The following SLC4A10 variants were observed in gnomAD, a reference collection of about 807,000 sequenced individuals.
SLC4A10 encodes solute carrier family 4 member 10.
Under a neutral mutation model 137.7 loss-of-function variants are expected in SLC4A10, and 42 were observed. The ratio of observed to expected loss-of-function variants is 0.30; its 90% CI spans 0.24 to 0.39. The LOEUF is 0.39. SLC4A10 is among the 10% of genes least tolerant of loss of function. The probability of loss-of-function intolerance (pLI) is 1.00; values close to 1 mark genes in which losing one functional copy is unlikely to be tolerated. For synonymous variants in SLC4A10, 474 were observed against 464.1 expected, an observed-to-expected ratio of 1.02 and a Z score of -0.27; for missense variants, 925 against 1,355.0, an observed-to-expected ratio of 0.68 and a Z score of 4.98.
chr2:161,922,434 G>A (rs995441872), intron 15 of SLC4A10, among the ~76,000 whole-genome samples: 3 of 151,982 alleles, frequency 2.0e-5, no homozygotes, highest in African/African-American at 7.2e-5. Flanking sequence ...TAAAAGGATT[G>A]TCTCTATATT....
intron 15 of SLC4A10, among the ~76,000 whole-genome samples, chr2:161,929,908 T>C (rs1206387504): frequency 1.3e-5 from 2 of 152,188 alleles, no homozygotes; most frequent in Admixed American, 6.5e-5. Flanking sequence ...CTTGCCATAG[T>C]ATTATATATC....
At chr2:161,881,705 G>C (rs1193891715) in intron 9 of SLC4A10, among the ~76,000 whole-genome samples, 1 of 151,908 alleles carries the variant, frequency 6.6e-6, no homozygotes, top group Admixed American at 6.6e-5. Flanking sequence ...AGTATCTATT[G>C]ATTTCTTTAA....
chr2:161,670,812 AT>A (rs926048508), intron 1 of SLC4A10, among the ~76,000 whole-genome samples: 3 of 152,038 alleles, frequency 2.0e-5, no homozygotes, highest in African/African-American at 7.2e-5. Context: ...TAGTCAGGAA[AT>A]TAAATTCTCC....
chr2:161,864,645 A>G (rs563430648), intron 6 of SLC4A10, among the ~76,000 whole-genome samples: 3 of 152,312 alleles, frequency 2.0e-5, no homozygotes, highest in South Asian at 4.1e-4. Flanking sequence ...TAAAATTATT[A>G]TGAATACTTT....
chr2:161,708,650 A>G lies in SLC4A10; in HGVS notation c.49-62323A>G, dbSNP rs2043946345. ...TTGATATCTTGATGATGGCTTAAAC[A>G]GATACTGATGGACAGATCTGTTGTT... On this transcript the variant is annotated intron_variant, in intron 1 of 26. Transcript: ENST00000446997. 6 of 1,468,534 alleles carry G rather than the reference A, an allele frequency of 4.1e-6. No homozygotes were observed. The South Asian group carries it at 8.4e-5, about 21-fold the overall frequency. The allele number at this position is 1,468,534 out of a possible 1,614,324, so 91.0% of individuals were successfully genotyped here.
chr2:161,831,098 A>T (rs1020820381), intron 3 of SLC4A10, among the ~76,000 whole-genome samples: 1 of 152,164 alleles, frequency 6.6e-6, no homozygotes, highest in African/African-American at 2.4e-5. Context: ...AGGCTAATGT[A>T]CCTAGACTGT....
intron 2 of SLC4A10, among the ~76,000 whole-genome samples, chr2:161,798,391 C>T (rs1213351012): frequency 6.6e-6 from 1 of 151,790 alleles, no homozygotes; most frequent in Non-Finnish European, 1.5e-5. Flanking sequence ...CCCTTCCCTC[C>T]CAGCTAAATA....
intron 1 of SLC4A10, among the ~76,000 whole-genome samples, chr2:161,693,010 A>C (rs1164835590): frequency 6.6e-6 from 1 of 152,094 alleles, no homozygotes; most frequent in Non-Finnish European, 1.5e-5. Context: ...AACAATAAAC[A>C]GTGTTTCACG....
intron 10 of SLC4A10, among the ~76,000 whole-genome samples, chr2:161,883,261 A>G (rs1033446769): frequency 2.0e-5 from 3 of 152,176 alleles, no homozygotes; most frequent in Non-Finnish European, 2.9e-5. Flanking sequence ...TAAATAATTT[A>G]ATAATGTTTT....
chr2:161,905,538 A>G, intron 14 of SLC4A10, 104 bp from the exon 15 acceptor site: 1 of 1,455,028 alleles, frequency 6.9e-7, no homozygotes, highest in Non-Finnish European at 9.2e-7. Context: ...TGTGAAGCTT[A>G]TTTACTTTCA....
intron 4 of SLC4A10, among the ~76,000 whole-genome samples, chr2:161,842,843 GCT>G (rs2059268724): frequency 6.6e-6 from 1 of 151,954 alleles, no homozygotes; most frequent in African/African-American, 2.4e-5. Flanking sequence ...GATATAACTT[GCT>G]CTTTTATGAT....
chr2:161,803,532 T>C (rs967986603), intron 2 of SLC4A10, among the ~76,000 whole-genome samples: 6 of 152,128 alleles, frequency 3.9e-5, no homozygotes, highest in Non-Finnish European at 1.5e-5. Flanking sequence ...CTATACCTTC[T>C]CCCTGAAGCC....
At chr2:161,775,188 C>T (rs73017141) in intron 2 of SLC4A10, among the ~76,000 whole-genome samples, 389 of 152,028 alleles carry the variant, frequency 2.6e-3, no homozygotes, top group African/African-American at 8.4e-3. Context: ...ACTTCAAATT[C>T]ACCCAACTGG....
At chr2:161,927,103 C>T (rs1443404578) in intron 15 of SLC4A10, among the ~76,000 whole-genome samples, 1 of 152,110 alleles carries the variant, frequency 6.6e-6, no homozygotes, top group Non-Finnish European at 1.5e-5. Context: ...TGAATGTTGG[C>T]CTGCCTTGCT....
chr2:161,886,727 A>C (rs1559462891), intron 10 of SLC4A10, among the ~76,000 whole-genome samples: 1 of 152,082 alleles, frequency 6.6e-6, no homozygotes, highest in Non-Finnish European at 1.5e-5. Context: ...TTAGGGTACA[A>C]TCAGGAAGAA....
chr2:161,839,757 G>GAT (rs1418867929), intron 3 of SLC4A10, 32 bp from the exon 4 acceptor site: 6 of 1,611,758 alleles, frequency 3.7e-6, no homozygotes, highest in Non-Finnish European at 5.1e-6. Flanking sequence ...GGTAATACAT[G>GAT]TTCATGGTAA....
chr2:161,779,275 T>A (rs1001310807), intron 2 of SLC4A10, among the ~76,000 whole-genome samples: 7 of 151,984 alleles, frequency 4.6e-5, no homozygotes, highest in Non-Finnish European at 8.8e-5. Flanking sequence ...TCATAAGGGA[T>A]CTGCCCTCAT....
chr2:161,903,980 A>G (rs1386613661), intron 12 of SLC4A10, 24 bp from the exon 13 acceptor site: 22 of 1,543,236 alleles, frequency 1.4e-5, no homozygotes, highest in Non-Finnish European at 1.8e-5. Flanking sequence ...GGGTTTCACT[A>G]TTGTGTTTTC....
chr2:161,677,869 G>A (rs568854283), intron 1 of SLC4A10, among the ~76,000 whole-genome samples: 3 of 152,214 alleles, frequency 2.0e-5, no homozygotes, highest in Admixed American at 6.5e-5. Context: ...TTCTGTCTAT[G>A]ATTCTTACCT....
Sources: gnomAD v4.1 joint callset for allele counts (sites outside exome capture counted in the v4.1 genomes callset) on GRCh38, gnomAD v4.1.1 for gene constraint, MANE v1.5 for transcripts, NCBI Gene and HGNC (gene_info 2026-07-23, HGNC 2026-07-21) for gene names.